Variants in ATP9A observed in about 807,000 individuals in gnomAD.
ATP9A encodes ATPase phospholipid transporting 9A.
ATP9A carries 52 observed loss-of-function variants against 144.1 expected under a neutral mutation model. The ratio of observed to expected loss-of-function variants is 0.36; its 90% CI spans 0.29 to 0.45. ATP9A has a LOEUF of 0.45. ATP9A is among the 20% of genes least tolerant of loss of function. The pLI, the probability that ATP9A is intolerant of heterozygous loss-of-function variation, is 1.00. For synonymous variants in ATP9A, 582 were observed against 557.4 expected, an observed-to-expected ratio of 1.04 and a Z score of -0.62; for missense variants, 947 against 1,392.7, an observed-to-expected ratio of 0.68 and a Z score of 5.09.
rs1484354987 is a variant in ATP9A at position 51,712,819 on chromosome 20, G to GGCCT, written c.436+143_436+146dup. ...CAACCTGTCATCCAGGGCAGATGGA[G>GGCCT]GCCTCCCTGGTGCTGGAGTAACCAA... On this transcript the variant is annotated intron_variant, in intron 4 of 27. Coordinates refer to ENST00000338821, the MANE Select transcript of ATP9A (RefSeq NM_006045.3). 4.3e-6 allele frequency: 3 copies of GGCCT among 696,040 alleles called. No homozygotes were observed. In the East Asian group the frequency reaches 8.1e-5, roughly 19 times the overall value. The allele number at this position is 696,040 out of a possible 1,614,324, so 43.1% of individuals were successfully genotyped here. A position where few individuals can be genotyped will look rare whatever the true frequency, so the allele number is the denominator to read the frequency against.
chr20:51,624,097 C>T (rs999210381), intron 18 of ATP9A, among the ~76,000 whole-genome samples: 1 of 152,196 alleles, frequency 6.6e-6, no homozygotes, highest in Non-Finnish European at 1.5e-5. Context: ...AGAAATGGGC[C>T]TCCAGCGGCC....
chr20:51,711,345 C>A (rs982646272), intron 4 of ATP9A, among the ~76,000 whole-genome samples: 1 of 152,036 alleles, frequency 6.6e-6, no homozygotes. Context: ...AAAACATACA[C>A]CTTTGACATT....
At chr20:51,632,238 T>C (rs558290128) in intron 15 of ATP9A, among the ~76,000 whole-genome samples, 1 of 152,222 alleles carries the variant, frequency 6.6e-6, no homozygotes, top group South Asian at 2.1e-4. Flanking sequence ...TGCACCACCA[T>C]GCCCAGCTAA....
chr20:51,624,992 G>A lies in ATP9A; in HGVS notation c.2016+200C>T, dbSNP rs141880462. ...TGCACTCCAGCCTGGGCGACACAGC[G>A]AGACCCCGTCTCAAAAAAAAAAAAA... is the stretch of plus-strand genomic sequence containing the variant. On this transcript the variant is annotated intron_variant, in intron 18 of 27. Coordinates refer to ENST00000338821, the MANE Select transcript of ATP9A (RefSeq NM_006045.3). 6.4e-3 allele frequency among the ~76,000 whole-genome samples: 833 copies of A among 129,726 alleles called. 1 individual carries two copies. Among genetic ancestry groups the A allele is most frequent in the South Asian group, 0.011 (40 of 3,642 alleles). 85.1% of individuals were successfully genotyped at this position (129,726 alleles called of 152,430 possible). A position where few individuals can be genotyped will look rare whatever the true frequency, so the allele number is the denominator to read the frequency against.
chr20:51,637,306 TAAAAAAAA>T (rs3029335), intron 15 of ATP9A, among the ~76,000 whole-genome samples: 22 of 89,984 alleles, frequency 2.4e-4, no homozygotes, highest in Middle Eastern at 8.8e-3. Context: ...TCCCTAACAT[TAAAAAAAA>T]AAAAAAAAAA....
intron 26 of ATP9A, among the ~76,000 whole-genome samples, chr20:51,606,547 A>T (rs1022826573): frequency 2.0e-5 from 3 of 152,168 alleles, no homozygotes; most frequent in African/African-American, 7.2e-5. Flanking sequence ...AAATACAAAA[A>T]TTAGCCGGGT....
At chr20:51,645,735 G>A (rs548312553) in intron 14 of ATP9A, among the ~76,000 whole-genome samples, 52 of 152,240 alleles carry the variant, frequency 3.4e-4, no homozygotes, top group Non-Finnish European at 4.3e-4. Context: ...TTTAGAAGTG[G>A]GGTACTCACT....
chr20:51,609,865 G>A (rs1052467480), intron 24 of ATP9A, among the ~76,000 whole-genome samples: 3 of 152,150 alleles, frequency 2.0e-5, no homozygotes, highest in Non-Finnish European at 4.4e-5. Context: ...ATGGCAAAGT[G>A]CAACACACCA....
intron 1 of ATP9A, among the ~76,000 whole-genome samples, chr20:51,740,296 G>T (rs138182049): frequency 0.015 from 2,268 of 150,972 alleles, 55 homozygotes; most frequent in African/African-American, 0.05. Context: ...GGGCTCAAGC[G>T]ATCTGCCCAC....
intron 4 of ATP9A, among the ~76,000 whole-genome samples, chr20:51,701,334 T>C (rs931703150): frequency 1.3e-5 from 2 of 152,232 alleles, no homozygotes; most frequent in African/African-American, 4.8e-5. Flanking sequence ...CTCTGGCACA[T>C]ATATTTTCCA....
chr20:51,653,572 G>A (rs2077375717), intron 14 of ATP9A, among the ~76,000 whole-genome samples: 1 of 152,150 alleles, frequency 6.6e-6, no homozygotes, highest in African/African-American at 2.4e-5. Flanking sequence ...GATCACTTAA[G>A]CTCAGGAGTT....
rs1601060346 is a variant in ATP9A, at chr20:51,619,225, G to C, written c.2116-182C>G. On this transcript the variant is annotated intron_variant, in intron 19 of 27. Coordinates refer to ENST00000338821, the MANE Select transcript of ATP9A (RefSeq NM_006045.3). Reference sequence around the variant, plus strand: ...TTGGTTGACTCTGCAGGAATCAAGAGAGCCCATGTGCCAACCACCACCTAC... The same window carrying C: ...TTGGTTGACTCTGCAGGAATCAAGACAGCCCATGTGCCAACCACCACCTAC... Among the ~76,000 whole-genome samples the C allele has an allele frequency of 2.0e-5, 3 of 152,266 alleles. No individual in the cohort carries two copies. In the South Asian group the frequency reaches 6.2e-4, roughly 32 times the overall value.
At chr20:51,655,708 T>C (rs1352077963) in intron 14 of ATP9A, among the ~76,000 whole-genome samples, 1 of 151,654 alleles carries the variant, frequency 6.6e-6, no homozygotes, top group Non-Finnish European at 1.5e-5. Context: ...CAGCCACTTT[T>C]GGAAAACAGA....
At chr20:51,766,130 T>A in intron 1 of ATP9A, among the ~76,000 whole-genome samples, 1 of 152,188 alleles carries the variant, frequency 6.6e-6, no homozygotes, top group East Asian at 1.9e-4. Context: ...TTGAACAATA[T>A]TTGCATTTTT....
chr20:51,729,792 T>A, intron 2 of ATP9A, 42 bp downstream of exon 2: 1 of 1,514,316 alleles, frequency 6.6e-7, no homozygotes, highest in Non-Finnish European at 8.8e-7. Flanking sequence ...CATGTATTTG[T>A]GATGGAAAAA....
At chr20:51,689,704 G>A (rs368323264) in intron 8 of ATP9A, among the ~76,000 whole-genome samples, 4 of 151,898 alleles carry the variant, frequency 2.6e-5, no homozygotes. Context: ...TTACAGGTGT[G>A]AGCCACCACG....
At chr20:51,632,232 C>T (rs2077272755) in intron 15 of ATP9A, among the ~76,000 whole-genome samples, 1 of 152,108 alleles carries the variant, frequency 6.6e-6, no homozygotes, top group African/African-American at 2.4e-5. Context: ...CAGGTGTGCA[C>T]CACCATGCCC....
rs374196738 is a variant in ATP9A at position 51,618,771 on chromosome 20, C to T, written c.2241G>A (p.Glu747=). 8 of 1,604,776 alleles carry T rather than the reference C, an allele frequency of 5.0e-6. No individual in the cohort carries two copies. In the African/African-American group the frequency reaches 1.1e-4, roughly 21 times the overall value. ...CTACGGCCGGGCACTGGCAGGCCAGCTCCATGAACTCGTACTCATAGTACT... is the reference window on the plus strand; with the variant it reads ...CTACGGCCGGGCACTGGCAGGCCAGTTCCATGAACTCGTACTCATAGTACT... ...CLKYYEYEFM[E]LACQCPAVVC... The change falls in exon 21 of 28, where the codon GAG becomes GAA. Residue 747 remains glutamate, a synonymous_variant. Transcript: ENST00000338821.
At chr20:51,610,802 C>T (rs570846824) in intron 23 of ATP9A, among the ~76,000 whole-genome samples, 1 of 152,198 alleles carries the variant, frequency 6.6e-6, no homozygotes, top group Non-Finnish European at 1.5e-5. Flanking sequence ...GCAGAAAAGG[C>T]TTCACTTCTT....
Sources: allele counts gnomAD v4.1 joint callset (sites outside exome capture counted in the v4.1 genomes callset), GRCh38; gene constraint gnomAD v4.1.1; transcripts MANE v1.5; gene names NCBI Gene and HGNC (gene_info 2026-07-23, HGNC 2026-07-21).